Variants in NSG1 observed in about 807,000 individuals in gnomAD.
The protein encoded by NSG1 is neuronal vesicle trafficking-associated protein 1.
Under a neutral mutation model 19.3 loss-of-function variants are expected in NSG1, and 9 were observed. The ratio of observed to expected loss-of-function variants is 0.47; its 90% CI spans 0.28 to 0.81. NSG1 has a LOEUF of 0.81. Among genes scored for constraint, NSG1 ranks in the 40% least tolerant of loss-of-function variants. The pLI is 0.11. For synonymous variants in NSG1, 104 were observed against 107.0 expected (o/e 0.97, Z 0.17); for missense variants, 236 against 242.4 (o/e 0.97, Z 0.18).
Position 4,409,685 on chromosome 4 carries a change from T to G in NSG1, c.357+2T>G. 1.9e-6 allele frequency: 3 copies of G among 1,611,222 alleles called. No homozygotes were observed. The highest frequency in any genetic ancestry group is 2.5e-6 in the Non-Finnish European group (3 of 1,177,398). On this transcript the variant is annotated splice_donor_variant, in intron 4 of 4. Transcript: ENST00000621129. LOFTEE classifies it high-confidence loss of function. ...TGCCCCGATGGGTTCGTCCTCAAGG[T>G]AAAACTCCGTTTTCCCCCAGAGGCC...
At chr4:4,414,103 TTCC>T (rs1724382364) in intron 4 of NSG1, among the ~76,000 whole-genome samples, 1 of 152,044 alleles carries the variant, frequency 6.6e-6, no homozygotes, top group Non-Finnish European at 1.5e-5. Context: ...TGGAGCTTCC[TTCC>T]TGGCTCATCC....
intron 4 of NSG1, among the ~76,000 whole-genome samples, chr4:4,414,792 G>A (rs1002569061): frequency 6.6e-6 from 1 of 151,976 alleles, no homozygotes; most frequent in Non-Finnish European, 1.5e-5. Context: ...CACTGGACTC[G>A]ACACCTTGAG....
chr4:4,409,506 T>C, intron 3 of NSG1, 67 bp from the exon 4 acceptor site: 1 of 1,170,062 alleles, frequency 8.5e-7, no homozygotes, highest in Non-Finnish European at 1.3e-6. Context: ...GGCCTTCGTG[T>C]GCGGGTGTGT....
Position 4,418,572 on chromosome 4 carries a change from T to C in NSG1, c.*1137T>C, listed in dbSNP as rs928027419. On this transcript the variant is annotated 3_prime_UTR_variant, in exon 5 of 5. Transcript: ENST00000621129. ...CTGCCAGTTAGATGAACTAAGTGTG[T>C]AAAACAAATAGAAAAGACATTCGCA... 1.1e-4 allele frequency: 17 copies of C among 152,668 alleles called. No homozygotes were observed. Among genetic ancestry groups the C allele is most frequent in the African/African-American group, 4.1e-4 (17 of 41,456 alleles). The allele number at this position is 152,668 out of a possible 1,614,324, so 9.5% of individuals were successfully genotyped here. A position where few individuals can be genotyped will look rare whatever the true frequency, so the allele number is the denominator to read the frequency against.
chr4:4,405,062 A>T (rs1420420637), intron 3 of NSG1, among the ~76,000 whole-genome samples: 2 of 152,154 alleles, frequency 1.3e-5, no homozygotes, highest in African/African-American at 2.4e-5. Context: ...GAGCAACAGA[A>T]ATTTACTCCC....
chr4:4,416,615 C>T (rs1487262186), intron 4 of NSG1, among the ~76,000 whole-genome samples: 7 of 152,294 alleles, frequency 4.6e-5, no homozygotes, highest in South Asian at 4.1e-4. Flanking sequence ...TGCCAGAATC[C>T]GCTTCCTGAT....
At chr4:4,408,917 C>T (rs571680669) in intron 3 of NSG1, among the ~76,000 whole-genome samples, 5 of 152,320 alleles carry the variant, frequency 3.3e-5, no homozygotes, top group African/African-American at 9.6e-5. Context: ...TTGCAGCTGT[C>T]GTGAGTTCAT....
At chr4:4,388,048 G>GGCCCTGCAGCTGCCCTGCTCCTCCCTT (rs1722826324) in intron 2 of NSG1, among the ~76,000 whole-genome samples, 1 of 151,708 alleles carries the variant, frequency 6.6e-6, no homozygotes. Context: ...AGAGGGCCCT[G>GGCCCTGCAGCTGCCCTGCTCCTCCCTT]GCCCCGCAGC....
intron 3 of NSG1, among the ~76,000 whole-genome samples, chr4:4,397,039 C>CTGTGTGTGTGTGTG (rs61613589): frequency 1.6e-3 from 236 of 150,142 alleles, no homozygotes; most frequent in South Asian, 2.1e-3. Context: ...GTTCAGTCAT[C>CTGTGTGTGTGTGTG]TGTGTGTGTG....
At chr4:4,394,064 T>G (rs1723126604) in intron 3 of NSG1, among the ~76,000 whole-genome samples, 1 of 152,090 alleles carries the variant, frequency 6.6e-6, no homozygotes, top group African/African-American at 2.4e-5. Context: ...CATAAACACC[T>G]CAGGAGGTAG....
intron 3 of NSG1, among the ~76,000 whole-genome samples, chr4:4,397,017 G>T (rs1408721850): frequency 6.7e-6 from 1 of 148,506 alleles, no homozygotes; most frequent in Non-Finnish European, 1.5e-5. Flanking sequence ...GGCTGAATCA[G>T]ATACCACGTG....
chr4:4,390,265 C>T (rs1404469096), intron 2 of NSG1, among the ~76,000 whole-genome samples: 1 of 152,180 alleles, frequency 6.6e-6, no homozygotes, highest in Non-Finnish European at 1.5e-5. Context: ...TGCCAGGCAC[C>T]CCTCCCTCTC....
chr4:4,417,178 C>T, intron 4 of NSG1, 57 bp from the exon 5 acceptor site: 2 of 1,485,066 alleles, frequency 1.3e-6, no homozygotes, highest in Non-Finnish European at 1.9e-6. Flanking sequence ...CAACTGGAGA[C>T]ACACTGGCAC....
chr4:4,391,663 C>T (rs571961837), intron 3 of NSG1, 72 bp downstream of exon 3: 1 of 1,021,938 alleles, frequency 9.8e-7, no homozygotes, highest in Non-Finnish European at 1.4e-6. Context: ...CATAGATGCC[C>T]TGCAGGGAGG....
intron 3 of NSG1, among the ~76,000 whole-genome samples, chr4:4,403,655 T>G (rs573431756): frequency 1.3e-5 from 2 of 152,344 alleles, no homozygotes; most frequent in African/African-American, 4.8e-5. Flanking sequence ...GAGTAGGACC[T>G]GGGTGTCTTT....
intron 3 of NSG1, among the ~76,000 whole-genome samples, chr4:4,396,511 C>T (rs1421555899): frequency 6.6e-5 from 10 of 152,224 alleles, no homozygotes; most frequent in Admixed American, 6.5e-4. Flanking sequence ...CTTTCACCGC[C>T]AGCACAGGGC....
intron 3 of NSG1, among the ~76,000 whole-genome samples, chr4:4,393,234 G>A (rs1189884360): frequency 6.6e-6 from 1 of 152,170 alleles, no homozygotes; most frequent in Non-Finnish European, 1.5e-5. Flanking sequence ...AGAGCAGGGC[G>A]CAGTGCGGCA....
At chr4:4,400,685 A>T (rs988722331) in intron 3 of NSG1, among the ~76,000 whole-genome samples, 2 of 152,122 alleles carry the variant, frequency 1.3e-5, no homozygotes, top group Non-Finnish European at 2.9e-5. Flanking sequence ...TAGGCAGTAA[A>T]CCACAGAGGT....
chr4:4,391,505 C>T lies in NSG1; in HGVS notation c.160C>T (p.Pro54Ser). ...CGTGAAAACTAAGACCGAGTATGAA[C>T]CTGACCGCAAGAAAGGGAAAGCACG... is the stretch of plus-strand genomic sequence containing the variant. ...VVVKTKTEYE[P>S]DRKKGKARPP... The change falls in exon 3 of 5, where the codon CCT (proline) becomes TCT (serine). Residue 54 changes from proline to serine, a missense_variant. Transcript: ENST00000621129. 6.2e-7 allele frequency: 1 copy of T among 1,613,194 alleles called. No homozygotes were observed. The highest frequency in any genetic ancestry group is 8.5e-7 in the Non-Finnish European group (1 of 1,179,692).
Sources: allele counts gnomAD v4.1 joint callset (sites outside exome capture counted in the v4.1 genomes callset), GRCh38; gene constraint gnomAD v4.1.1; transcripts MANE v1.5; gene names NCBI Gene and HGNC (gene_info 2026-07-23, HGNC 2026-07-21).